Variants in ARHGEF26 observed in about 807,000 individuals in gnomAD.
ARHGEF26 encodes the protein Rho guanine nucleotide exchange factor 26.
A neutral mutation model predicts 89.4 loss-of-function variants in ARHGEF26; 59 were observed. The ratio of observed to expected loss-of-function variants is 0.66; its 90% confidence interval spans 0.54 to 0.82. The LOEUF (loss-of-function observed/expected upper bound fraction) is 0.82, where lower values mean the gene tolerates loss of function less well. Among genes scored for constraint, ARHGEF26 ranks in the 40% least tolerant of loss-of-function variants. The probability of loss-of-function intolerance (pLI) is 0.00; values close to 1 mark genes in which losing one functional copy is unlikely to be tolerated. For synonymous variants in ARHGEF26, 500 were observed against 428.4 expected (o/e 1.17, Z -2.06); for missense variants, 1,234 against 1,085.6 (o/e 1.14, Z -1.92).
In ARHGEF26 at chr3:154,227,052, GTTC is replaced by G. The variant is rs535060815; in HGVS notation, c.2090+1048_2090+1050del. 5.1e-3 allele frequency among the ~76,000 whole-genome samples: 778 copies of G among 152,248 alleles called. 8 individuals carry two copies. Among genetic ancestry groups the G allele is most frequent in the Non-Finnish European group, 5.6e-3 (378 of 68,014 alleles). ...TTCAAACTAAATTAAAACAGATTGA[GTTC>G]TTCTTTTTGCTCCTTTTAATCAGAC... is the stretch of plus-strand genomic sequence containing the variant. On this transcript the variant is annotated intron_variant, in intron 11 of 14. Coordinates refer to ENST00000465093, the MANE Select transcript of ARHGEF26 (RefSeq NM_015595.4).
intron 10 of ARHGEF26, among the ~76,000 whole-genome samples, chr3:154,218,167 C>G (rs530823293): frequency 2.0e-5 from 3 of 152,064 alleles, no homozygotes; most frequent in Admixed American, 2.0e-4. Context: ...CAGGCATTAT[C>G]TAAGAAGCAC....
chr3:154,213,393 A>G (rs1337426084), intron 9 of ARHGEF26, among the ~76,000 whole-genome samples: 1 of 152,098 alleles, frequency 6.6e-6, no homozygotes, highest in Non-Finnish European at 1.5e-5. Context: ...AAACAGCAGA[A>G]CATGTATGTT....
chr3:154,225,951 C>CA lies in ARHGEF26; in HGVS notation c.2034dup (p.Gln679ThrfsTer9), dbSNP rs1481235606. On this transcript the variant is annotated frameshift_variant, in exon 11 of 15. Coordinates refer to ENST00000465093, the MANE Select transcript of ARHGEF26 (RefSeq NM_015595.4). LOFTEE classifies it high-confidence loss of function. ...CTGTGCTTTTCTCAAGAAGGACATCCAAACAGCAAGTCTACTTCTTTCTCT... is the reference window on the plus strand; with the variant it reads ...CTGTGCTTTTCTCAAGAAGGACATCCAAAACAGCAAGTCTACTTCTTTCTCT... 1 of 1,613,214 alleles carries CA rather than the reference C, an allele frequency of 6.2e-7. No homozygotes were observed. The highest frequency in any genetic ancestry group is 1.1e-5 in the South Asian group (1 of 90,976).
chr3:154,194,565 A>G, intron 8 of ARHGEF26, 79 bp from the exon 9 acceptor site: 1 of 1,043,166 alleles, frequency 9.6e-7, no homozygotes, highest in East Asian at 2.6e-5. Context: ...CTATGAGTAA[A>G]AGGATATGGC....
chr3:154,196,638 C>G lies in ARHGEF26; in HGVS notation c.1845+1920C>G, dbSNP rs16823769. Among the ~76,000 whole-genome samples the G allele has an allele frequency of 8.1e-3, 1,231 of 152,220 alleles. 17 individuals carry two copies. The highest frequency in any genetic ancestry group is 0.028 in the African/African-American group (1,178 of 41,536). ...TGTGAGCCACTTAAATTCATCTCTT[C>G]ATCCCATCAGTGGTCTGCACACCTA... is the stretch of plus-strand genomic sequence containing the variant. On this transcript the variant is annotated intron_variant, in intron 9 of 14. Coordinates refer to ENST00000465093, the MANE Select transcript of ARHGEF26 (RefSeq NM_015595.4).
intron 6 of ARHGEF26, among the ~76,000 whole-genome samples, chr3:154,185,281 A>G (rs954145008): frequency 1.3e-5 from 2 of 152,116 alleles, no homozygotes; most frequent in Non-Finnish European, 2.9e-5. Context: ...ATCACACTCC[A>G]CAGGTTTAAG....
chr3:154,229,317 CCCTT>C (rs1482271250), intron 11 of ARHGEF26, among the ~76,000 whole-genome samples: 1 of 152,168 alleles, frequency 6.6e-6, no homozygotes, highest in East Asian at 1.9e-4. Flanking sequence ...GCTCAGGCAG[CCCTT>C]CCACCTCAGC....
In ARHGEF26 at chr3:154,145,707, T is replaced by G. The variant is rs551388444; in HGVS notation, c.1270-3682T>G. 5.9e-5 allele frequency among the ~76,000 whole-genome samples: 9 copies of G among 152,262 alleles called. No homozygotes were observed. In the South Asian group the frequency reaches 1.9e-3, roughly 32 times the overall value. On this transcript the variant is annotated intron_variant, in intron 4 of 14. Transcript: ENST00000465093. ...GGCATCAGAACATAAATATCCCTGT[T>G]TACTTCACAGAAAATGATTATCTGA... is the stretch of plus-strand genomic sequence containing the variant.
Position 154,122,036 on chromosome 3 carries a change from C to T in ARHGEF26, c.44C>T (p.Thr15Ile), listed in dbSNP as rs1338996082. 1 of 1,611,028 alleles carries T rather than the reference C, an allele frequency of 6.2e-7. No homozygotes were observed. The highest frequency in any genetic ancestry group is 8.5e-7 in the Non-Finnish European group (1 of 1,177,592). The change falls in exon 2 of 15, where the codon ACC becomes ATC. Residue 15 changes from threonine to isoleucine, a missense_variant. Coordinates refer to ENST00000465093, the MANE Select transcript of ARHGEF26 (RefSeq NM_015595.4). ...SEVDFSSNSI[T>I]PLWRRRSIPQ... Reference sequence around the variant, plus strand: ...GTGGATTTTTCTAGCAACAGCATAACCCCTTTGTGGCGGAGGCGGTCGATT... The same window carrying T: ...GTGGATTTTTCTAGCAACAGCATAATCCCTTTGTGGCGGAGGCGGTCGATT...
At position 154,253,120 on chromosome 3, in the gene ARHGEF26, G is replaced by A. The variant is rs551411802; in HGVS notation, c.2305G>A (p.Glu769Lys). ...EMLLGAETQS[E>K]RARWITALGH... ...TGGATCTGCCCTCTGTTTTAGGAGC[G>A]AGCGAGCCCGCTGGATAACTGCCCT... is the stretch of plus-strand genomic sequence containing the variant. Residue 769 changes from glutamate (E) to lysine (K), a missense_variant, in exon 13 of 15, where the codon GAG (glutamate) becomes AAG (lysine). Glu to Lys is a moderately conservative substitution (Grantham distance 56). Transcript: ENST00000465093. The A allele has an allele frequency of 9.9e-6, 16 of 1,613,994 alleles. No homozygotes were observed. The highest frequency in any genetic ancestry group is 1.6e-4 in the Middle Eastern group (1 of 6,062).
intron 6 of ARHGEF26, among the ~76,000 whole-genome samples, chr3:154,169,658 C>T (rs1032794826): frequency 6.6e-6 from 1 of 152,188 alleles, no homozygotes; most frequent in African/African-American, 2.4e-5. Flanking sequence ...TAGTGCTGTA[C>T]TGCTGTTGGC....
Position 154,254,792 on chromosome 3 carries a change from ACGT to A in ARHGEF26, c.2446_2448del (p.Val816del), listed in dbSNP as rs1245247434. 3 of 1,613,724 alleles carry A rather than the reference ACGT, an allele frequency of 1.9e-6. No homozygotes were observed. Among genetic ancestry groups the A allele is most frequent in the Non-Finnish European group, 1.7e-6 (2 of 1,179,826 alleles). On this transcript the variant is annotated inframe_deletion, in exon 14 of 15. Coordinates refer to ENST00000465093, the MANE Select transcript of ARHGEF26 (RefSeq NM_015595.4). Reference sequence around the variant, plus strand: ...GATGAACTCTCCCTGCAGGTGGCTGACGTCGTCCTCATCTATCAACGTGTCAGC... The same window carrying A: ...GATGAACTCTCCCTGCAGGTGGCTGACGTCCTCATCTATCAACGTGTCAGC...
intron 9 of ARHGEF26, among the ~76,000 whole-genome samples, chr3:154,203,286 A>G (rs1423170632): frequency 3.9e-5 from 6 of 152,144 alleles, no homozygotes; most frequent in African/African-American, 1.4e-4. Flanking sequence ...TTCTGTTTAT[A>G]TGCTGGATTA....
intron 9 of ARHGEF26, among the ~76,000 whole-genome samples, chr3:154,198,926 A>T (rs564804037): frequency 1.3e-5 from 2 of 152,180 alleles, no homozygotes; most frequent in African/African-American, 4.8e-5. Context: ...TTATTTTATT[A>T]ATTTTGTGGG....
chr3:154,196,592 T>C (rs998678000), intron 9 of ARHGEF26, among the ~76,000 whole-genome samples: 11 of 152,218 alleles, frequency 7.2e-5, no homozygotes, highest in African/African-American at 2.7e-4. Flanking sequence ...CTAACATTTT[T>C]GTAGTAAAAG....
chr3:154,135,116 C>T (rs574644815), intron 4 of ARHGEF26, among the ~76,000 whole-genome samples: 2 of 152,246 alleles, frequency 1.3e-5, no homozygotes, highest in East Asian at 3.9e-4. Flanking sequence ...AGGAGTTCCT[C>T]TTCTCCAATT....
intron 3 of ARHGEF26, among the ~76,000 whole-genome samples, chr3:154,129,372 C>T (rs1008388716): frequency 7.9e-5 from 12 of 152,166 alleles, no homozygotes; most frequent in African/African-American, 2.4e-4. Flanking sequence ...GGGCTGGTCC[C>T]CTTCCCCTGC....
At chr3:154,220,286 C>A (rs1405801253) in intron 10 of ARHGEF26, among the ~76,000 whole-genome samples, 1 of 152,076 alleles carries the variant, frequency 6.6e-6, no homozygotes, top group Non-Finnish European at 1.5e-5. Context: ...CGTGATCATC[C>A]CTCCCCTCAT....
At chr3:154,133,021 T>G (rs1560043176) in intron 4 of ARHGEF26, among the ~76,000 whole-genome samples, 1 of 152,146 alleles carries the variant, frequency 6.6e-6, no homozygotes, top group African/African-American at 2.4e-5. Flanking sequence ...TTAGCCGGTG[T>G]TGTTTTATTT....
Sources: allele counts gnomAD v4.1 joint callset (sites outside exome capture counted in the v4.1 genomes callset), GRCh38; gene constraint gnomAD v4.1.1; transcripts MANE v1.5; gene names NCBI Gene and HGNC (gene_info 2026-07-23, HGNC 2026-07-21).